Variants in ACAA1 observed in about 807,000 individuals in gnomAD.
The protein encoded by ACAA1 is 3-ketoacyl-CoA thiolase, peroxisomal.
Under a neutral mutation model 48.8 loss-of-function variants are expected in ACAA1, and 44 were observed. The observed-to-expected ratio is 0.90, with a 90% CI of 0.71 to 1.16. ACAA1 has a LOEUF of 1.16. Ranked by LOEUF, ACAA1 falls within the 50% of genes most tolerant of loss-of-function variation. The pLI, the probability that ACAA1 is intolerant of heterozygous loss-of-function variation, is 0.00. For missense variants in ACAA1, 512 were observed against 562.3 expected (o/e 0.91, Z 0.90); for synonymous variants, 233 against 226.5 (o/e 1.03, Z -0.26).
chr3:38,131,036 C>T (rs953765937), intron 5 of ACAA1, among the ~76,000 whole-genome samples: 1 of 152,212 alleles, frequency 6.6e-6, no homozygotes, highest in Non-Finnish European at 1.5e-5. Flanking sequence ...TTCTGCAGCT[C>T]CATTTGCTGC....
At chr3:38,127,649 C>A in intron 7 of ACAA1, 137 bp downstream of exon 7, 1 of 803,562 alleles carries the variant, frequency 1.2e-6, no homozygotes, top group Non-Finnish European at 2.1e-6. Flanking sequence ...TTCCCACCCC[C>A]AACCTGGGTG....
Position 38,122,924 on chromosome 3 carries a change from A to G in ACAA1, c.*123T>C, listed in dbSNP as rs967127884. Reference sequence around the variant, plus strand: ...TTTCCAAATGAGTTGAAGTGCCTTGATCTGTCCACTGCCACCACCACCAGT... The same window carrying G: ...TTTCCAAATGAGTTGAAGTGCCTTGGTCTGTCCACTGCCACCACCACCAGT... On this transcript the variant is annotated 3_prime_UTR_variant, in exon 12 of 12. Coordinates refer to ENST00000333167, the MANE Select transcript of ACAA1 (RefSeq NM_001607.4). The G allele has an allele frequency of 2.0e-6, 2 of 1,021,138 alleles. No homozygotes were observed. Among genetic ancestry groups the G allele is most frequent in the Non-Finnish European group, 3.0e-6 (2 of 674,040 alleles). The allele number at this position is 1,021,138 out of a possible 1,614,324, so 63.3% of individuals were successfully genotyped here.
intron 2 of ACAA1, among the ~76,000 whole-genome samples, chr3:38,135,746 T>A (rs149113973): frequency 3.9e-5 from 6 of 152,272 alleles, no homozygotes; most frequent in Admixed American, 1.3e-4. Flanking sequence ...AGGAGACAGA[T>A]GCTTTCCTCT....
chr3:38,134,603 T>G (rs1700851854), intron 2 of ACAA1: 1 of 449,804 alleles, frequency 2.2e-6, no homozygotes, highest in African/African-American at 2.0e-5. Flanking sequence ...ATCTGTAACT[T>G]TAGCCCCAAC....
chr3:38,133,931 G>A (rs772598042), intron 3 of ACAA1, 21 bp downstream of exon 3: 2 of 1,613,844 alleles, frequency 1.2e-6, no homozygotes, highest in African/African-American at 1.3e-5. Flanking sequence ...CCAACCCATG[G>A]CTAGAACTAG....
chr3:38,130,386 C>T (rs2125768289), intron 5 of ACAA1, among the ~76,000 whole-genome samples: 1 of 152,318 alleles, frequency 6.6e-6, no homozygotes, highest in Non-Finnish European at 1.5e-5. Context: ...CTAGGTATCC[C>T]CATTTTATAG....
At chr3:38,134,568 TTG>T (rs1700850939) in intron 2 of ACAA1, 2 of 453,462 alleles carry the variant, frequency 4.4e-6, no homozygotes, top group Non-Finnish European at 8.8e-6. Flanking sequence ...CAAAGAAAAA[TTG>T]TTTCTGCTTT....
intron 1 of ACAA1, 48 bp downstream of exon 1, chr3:38,136,817 C>G: frequency 1.3e-6 from 2 of 1,487,592 alleles, no homozygotes; most frequent in Non-Finnish European, 1.8e-6. Flanking sequence ...GGACCCCAGC[C>G]CGCGCCGGCG....
At chr3:38,134,637 TATA>T (rs1046269789) in intron 2 of ACAA1, 2 of 425,994 alleles carry the variant, frequency 4.7e-6, no homozygotes, top group African/African-American at 4.1e-5. Flanking sequence ...AAACATGTGC[TATA>T]TTGAATCAAG....
rs764064870 is a variant in ACAA1 at position 38,131,925 on chromosome 3, C to A, written c.403+1G>T. Reference sequence around the variant, plus strand: ...AAGGCACCCACCCAGTCATAACTTACCTGCTATGCTGGCCACTGCCTGTAG... The same window carrying A: ...AAGGCACCCACCCAGTCATAACTTAACTGCTATGCTGGCCACTGCCTGTAG... On this transcript the variant is annotated splice_donor_variant, in intron 4 of 11. Coordinates refer to ENST00000333167, the MANE Select transcript of ACAA1 (RefSeq NM_001607.4). LOFTEE classifies it high-confidence loss of function. 2 of 1,613,446 alleles carry A rather than the reference C, an allele frequency of 1.2e-6. No individual in the cohort carries two copies. Among genetic ancestry groups the A allele is most frequent in the South Asian group, 2.2e-5 (2 of 91,004 alleles).
Position 38,125,545 on chromosome 3 carries a change from C to A in ACAA1, c.1199+20G>T. 2 of 1,521,994 alleles carry A rather than the reference C, an allele frequency of 1.3e-6. No homozygotes were observed. Among genetic ancestry groups the A allele is most frequent in the African/African-American group, 1.4e-5 (1 of 71,856 alleles). The allele number at this position is 1,521,994 out of a possible 1,614,324, so 94.3% of individuals were successfully genotyped here. Reference sequence around the variant, plus strand: ...CTTGGATATCCCCCTATGACCCCACCGCCAGGAGCAAAGCCTTACCTCTTC... The same window carrying A: ...CTTGGATATCCCCCTATGACCCCACAGCCAGGAGCAAAGCCTTACCTCTTC... On this transcript the variant is annotated intron_variant, in intron 11 of 11. Transcript: ENST00000333167.
intron 11 of ACAA1, 58 bp from the exon 12 acceptor site, chr3:38,123,180 C>T: frequency 5.2e-6 from 8 of 1,530,140 alleles, no homozygotes; most frequent in Non-Finnish European, 7.2e-6. Context: ...ACCTCCAGAC[C>T]AGGCTGACCC....
rs758606076 is a variant in ACAA1 at position 38,137,055 on chromosome 3, G to A, written c.-20C>T. The A allele has an allele frequency of 1.3e-6, 2 of 1,538,180 alleles. No individual in the cohort carries two copies. The highest frequency in any genetic ancestry group is 1.7e-6 in the Non-Finnish European group (2 of 1,145,520). ...CTGCATTGCGCAGGTCAACCCTGCAGACCAGCCACCAGTCCGGGAACTGAC... is the reference window on the plus strand; with the variant it reads ...CTGCATTGCGCAGGTCAACCCTGCAAACCAGCCACCAGTCCGGGAACTGAC... On this transcript the variant is annotated 5_prime_UTR_variant, in exon 1 of 12. Transcript: ENST00000333167.
chr3:38,132,232 T>G (rs2125769615), intron 3 of ACAA1: 1 of 375,484 alleles, frequency 2.7e-6, no homozygotes. Context: ...CACAAGCACA[T>G]TCCCTTCTAC....
At chr3:38,128,226 G>GT (rs1402974145) in intron 6 of ACAA1, among the ~76,000 whole-genome samples, 1 of 152,160 alleles carries the variant, frequency 6.6e-6, no homozygotes, top group Admixed American at 6.5e-5. Flanking sequence ...GAGGGCCTGG[G>GT]TGGGGGCACT....
chr3:38,129,316 C>T lies in ACAA1; in HGVS notation c.519G>A (p.Lys173=). The T allele has an allele frequency of 6.2e-7, 1 of 1,614,120 alleles. No homozygotes were observed. The change falls in exon 6 of 12, where the codon AAG becomes AAA. Residue 173 remains lysine (K), a synonymous_variant. Transcript: ENST00000333167. This position sits in a 1 kb window ranked among gnomAD's most constrained non-coding sequence, Gnocchi z 5.3. ...CCATAGGAATCAGGCAATCTCTGGC[C>T]TTCTCCTTCTCCATCAAGCGCGAAG... ...NITSRLMEKE[K]ARDCLIPMGI... is the part of the protein sequence containing the mutation.
Position 38,131,641 on chromosome 3 carries a change from G to A in ACAA1, c.404-3C>T, listed in dbSNP as rs1393888967. The A allele has an allele frequency of 6.2e-7, 1 of 1,614,172 alleles. No homozygotes were observed. Among genetic ancestry groups the A allele is most frequent in the Admixed American group, 1.7e-5 (1 of 60,024 alleles). ...ATAAGACCCATTTCTGATGCCACCT[G>A]TAACAAAAGCATTTCATAAACATCC... On this transcript the variant is annotated splice_region_variant and splice_polypyrimidine_tract_variant and intron_variant, in intron 4 of 11. Transcript: ENST00000333167.
In ACAA1 at chr3:38,131,940, A is replaced by G. The variant is rs1489105282; in HGVS notation, c.389T>C (p.Val130Ala). Residue 130 changes from valine to alanine, a missense_variant, in exon 4 of 12, where the codon GTG (valine) becomes GCG (alanine). Physicochemically the swap from Val to Ala is moderately conservative, Grantham distance 64 (BLOSUM62 0). Transcript: ENST00000333167. ...TCATAACTTACCTGCTATGCTGGCC[A>G]CTGCCTGTAGCCCCGACGAACACTG... is the stretch of plus-strand genomic sequence containing the variant. ...NRQCSSGLQAVASIAGGIRNG... is the reference protein window; with the variant it reads ...NRQCSSGLQAAASIAGGIRNG... 6.2e-7 allele frequency: 1 copy of G among 1,613,984 alleles called. No homozygotes were observed. Among genetic ancestry groups the G allele is most frequent in the Non-Finnish European group, 8.5e-7 (1 of 1,179,854 alleles).
intron 9 of ACAA1, 62 bp from the exon 10 acceptor site, chr3:38,125,943 C>T (rs1426489885): frequency 1.2e-6 from 2 of 1,601,208 alleles, no homozygotes; most frequent in Admixed American, 3.3e-5. Context: ...GGGGCCCACC[C>T]CATCCATGGG....
Sources: gnomAD v4.1 joint callset for allele counts (sites outside exome capture counted in the v4.1 genomes callset) on GRCh38, gnomAD v4.1.1 for gene constraint, Gnocchi (gnomAD v3.1) non-coding constraint, MANE v1.5 for transcripts, NCBI Gene and HGNC (gene_info 2026-07-23, HGNC 2026-07-21) for gene names.